IFIT3: variants seen among roughly 807,000 people sequenced by gnomAD.
IFIT3 encodes interferon induced protein with tetratricopeptide repeats 3.
IFIT3 carries 2 observed loss-of-function variants against 2.4 expected under a neutral mutation model. The ratio of observed to expected loss-of-function variants is 0.82; its 90% CI spans 0.34 to 2.60. The LOEUF (loss-of-function observed/expected upper bound fraction) is 2.60. Ranked by LOEUF, IFIT3 falls within the 30% of genes most tolerant of loss-of-function variation. The pLI, the probability that IFIT3 is intolerant of heterozygous loss-of-function variation, is 0.11. For missense variants in IFIT3, 481 were observed against 562.4 expected (o/e 0.86, Z 1.46); for synonymous variants, 203 against 212.1 (o/e 0.96, Z 0.37).
At position 89,339,188 on chromosome 10, in the gene IFIT3, T is replaced by C; in HGVS notation, c.533T>C (p.Ile178Thr). The C allele has an allele frequency of 1.9e-6, 3 of 1,614,174 alleles. No homozygotes were observed. Among genetic ancestry groups the C allele is most frequent in the Non-Finnish European group, 2.5e-6 (3 of 1,180,020 alleles). ...NNPEFSSGLA[I>T]AMYHLDNHPE... is the part of the protein sequence containing the mutation. ...CCAGAATTCTCCTCTGGACTGGCAA[T>C]TGCGATGTACCATCTGGATAATCAC... The change falls in exon 2 of 2, where the codon ATT (isoleucine) becomes ACT (threonine). Residue 178 changes from isoleucine (I) to threonine (T), a missense_variant. Ile to Thr is a moderately conservative substitution (Grantham distance 89). Transcript: ENST00000371818.
At position 89,339,246 on chromosome 10, in the gene IFIT3, G is replaced by A; in HGVS notation, c.591G>A (p.Lys197=). The change falls in exon 2 of 2, where the codon AAG becomes AAA. Residue 197 remains lysine, a synonymous_variant. Coordinates refer to ENST00000371818, the MANE Select transcript of IFIT3 (RefSeq NM_001549.6). ...PEKQFSTDVL[K]QAIELSPDNQ... ...AACAGTTCTCTACTGATGTTTTGAA[G>A]CAGGCCATTGAGCTGAGTCCTGATA... 1 of 1,614,198 alleles carries A rather than the reference G, an allele frequency of 6.2e-7. No individual in the cohort carries two copies.
At chr10:89,337,206 C>T (rs1843755561) in intron 1 of IFIT3, among the ~76,000 whole-genome samples, 1 of 152,138 alleles carries the variant, frequency 6.6e-6, no homozygotes, top group Non-Finnish European at 1.5e-5. Context: ...TATTTCTTTA[C>T]ATGTCTCCTA....
chr10:89,332,846 A>G (rs746521075), intron 1 of IFIT3, among the ~76,000 whole-genome samples: 1 of 151,582 alleles, frequency 6.6e-6, no homozygotes, highest in African/African-American at 2.4e-5. Flanking sequence ...GGAGCTGGGA[A>G]GGGACGGGGC....
At chr10:89,338,611 G>A (rs770326727) in intron 1 of IFIT3, 50 bp from the exon 2 acceptor site, 2 of 1,523,448 alleles carry the variant, frequency 1.3e-6, no homozygotes, top group Non-Finnish European at 1.8e-6. Context: ...ATCACAGGGT[G>A]CAGTGCTTGG....
chr10:89,336,232 A>G (rs1198170484), intron 1 of IFIT3, among the ~76,000 whole-genome samples: 1 of 151,386 alleles, frequency 6.6e-6, no homozygotes, highest in Non-Finnish European at 1.5e-5. Context: ...AGAGGGAGGG[A>G]GGGAAAGAAG....
chr10:89,340,924 C>T lies in IFIT3; in HGVS notation c.*796C>T, dbSNP rs1843862251. Reference sequence around the variant, plus strand: ...AGCAATACCATAATCAATGTGTATTCCTGATAGTAATGCTACAATAAATCC... The same window carrying T: ...AGCAATACCATAATCAATGTGTATTTCTGATAGTAATGCTACAATAAATCC... On this transcript the variant is annotated 3_prime_UTR_variant, in exon 2 of 2. Coordinates refer to ENST00000371818, the MANE Select transcript of IFIT3 (RefSeq NM_001549.6). 1 of 152,114 alleles carries T rather than the reference C, an allele frequency of 6.6e-6. No individual in the cohort carries two copies. Among genetic ancestry groups the T allele is most frequent in the African/African-American group, 2.4e-5 (1 of 41,402 alleles). 9.4% of individuals were successfully genotyped at this position (152,114 alleles called of 1,614,324 possible).
chr10:89,335,338 T>A (rs1281652924), intron 1 of IFIT3: 1 of 152,176 alleles, frequency 6.6e-6, no homozygotes, highest in Non-Finnish European at 1.5e-5. Flanking sequence ...AGATCCATAT[T>A]CAGAGCTCTT....
In IFIT3 at chr10:89,338,724, C is replaced by T. The variant is rs1268975399; in HGVS notation, c.69C>T (p.Asn23=). 6.2e-7 allele frequency: 1 copy of T among 1,613,680 alleles called. No individual in the cohort carries two copies. The highest frequency in any genetic ancestry group is 8.5e-7 in the Non-Finnish European group (1 of 1,179,718). Residue 23 remains asparagine (N), a synonymous_variant, in exon 2 of 2, where the codon AAC becomes AAT. Transcript: ENST00000371818. ...LPQLKCHFTW[N]LFKEDSVSRD... ...AGCTGAAATGCCATTTCACCTGGAA[C>T]TTATTCAAGGAAGACAGTGTCTCAA...
At chr10:89,328,307 G>A (rs12242873) in intron 1 of IFIT3, among the ~76,000 whole-genome samples, 1 of 152,176 alleles carries the variant, frequency 6.6e-6, no homozygotes, top group Non-Finnish European at 1.5e-5. Context: ...AACTACATGG[G>A]GGGAGGCAGG....
intron 1 of IFIT3, among the ~76,000 whole-genome samples, chr10:89,337,665 C>T (rs2133562699): frequency 1.3e-5 from 2 of 152,330 alleles, no homozygotes; most frequent in South Asian, 4.1e-4. Context: ...TCCCAAAGTG[C>T]TAGGACTACA....
At chr10:89,334,016 G>C (rs1255083309) in intron 1 of IFIT3, among the ~76,000 whole-genome samples, 2 of 152,242 alleles carry the variant, frequency 1.3e-5, no homozygotes, top group East Asian at 3.8e-4. Context: ...AGGTCTGCCA[G>C]TTCCTTCACG....
In IFIT3 at chr10:89,339,119, C is replaced by T. The variant is rs553698615; in HGVS notation, c.464C>T (p.Ala155Val). Residue 155 changes from alanine (A) to valine (V), a missense_variant, in exon 2 of 2, where the codon GCG becomes GTG. Coordinates refer to ENST00000371818, the MANE Select transcript of IFIT3 (RefSeq NM_001549.6). ...TQLKCGRNERAKVCFEKALEE... is the reference protein window; with the variant it reads ...TQLKCGRNERVKVCFEKALEE... ...CTGAAGTGTGGAAGAAATGAAAGGG[C>T]GAAGGTGTGTTTTGAGAAGGCTCTG... is the stretch of plus-strand genomic sequence containing the variant. 1.5e-5 allele frequency: 25 copies of T among 1,613,850 alleles called. No individual in the cohort carries two copies. The highest frequency in any genetic ancestry group is 1.6e-4 in the Middle Eastern group (1 of 6,084).
chr10:89,340,662 A>G lies in IFIT3; in HGVS notation c.*534A>G, dbSNP rs935232616. On this transcript the variant is annotated 3_prime_UTR_variant, in exon 2 of 2. Coordinates refer to ENST00000371818, the MANE Select transcript of IFIT3 (RefSeq NM_001549.6). ...TACAACTAATCACTGGTAGCAATAAATGCTTCAGGCCCACATGATGCTGAT... is the reference window on the plus strand; with the variant it reads ...TACAACTAATCACTGGTAGCAATAAGTGCTTCAGGCCCACATGATGCTGAT... The G allele has an allele frequency of 6.6e-6, 1 of 152,186 alleles. No individual in the cohort carries two copies. The highest frequency in any genetic ancestry group is 2.4e-5 in the African/African-American group (1 of 41,420). The allele number at this position is 152,186 out of a possible 1,614,324, so 9.4% of individuals were successfully genotyped here.
chr10:89,340,077 A>G lies in IFIT3; in HGVS notation c.1422A>G (p.Ala474=), dbSNP rs968096213. Residue 474 remains alanine (A), a synonymous_variant, in exon 2 of 2, where the codon GCA becomes GCG. Coordinates refer to ENST00000371818, the MANE Select transcript of IFIT3 (RefSeq NM_001549.6). ...EDGSEEMGQG[A]VSSSPRELLS... is the part of the protein sequence containing the mutation. ...GTAGTGAGGAAATGGGCCAGGGCGC[A>G]GTCAGCTCCAGTCCCAGAGAGCTCC... 1.2e-5 allele frequency: 20 copies of G among 1,612,586 alleles called. No homozygotes were observed. The highest frequency in any genetic ancestry group is 1.6e-5 in the Non-Finnish European group (19 of 1,179,208).
intron 1 of IFIT3, among the ~76,000 whole-genome samples, chr10:89,331,054 CT>C (rs1488208203): frequency 7.9e-5 from 12 of 152,336 alleles, no homozygotes; most frequent in Admixed American, 7.8e-4. Flanking sequence ...AGGAGTAGAG[CT>C]GCACCCAAGA....
intron 1 of IFIT3, among the ~76,000 whole-genome samples, chr10:89,329,168 CA>C (rs1249847112): frequency 6.6e-6 from 1 of 152,146 alleles, no homozygotes; most frequent in African/African-American, 2.4e-5. Context: ...ATCGACCATT[CA>C]GGGGGGCAGA....
chr10:89,340,418 C>T lies in IFIT3; in HGVS notation c.*290C>T, dbSNP rs1216753312. 3.0e-5 allele frequency: 6 copies of T among 200,094 alleles called. No individual in the cohort carries two copies. The highest frequency in any genetic ancestry group is 2.0e-3 in the Middle Eastern group (1 of 494). The allele number at this position is 200,094 out of a possible 1,614,324, so 12.4% of individuals were successfully genotyped here. ...CTAAAAATACAAAAAATTAGCCAGG[C>T]GTGGTGGCTGGCACCTGTAGTCCCA... On this transcript the variant is annotated 3_prime_UTR_variant, in exon 2 of 2. Coordinates refer to ENST00000371818, the MANE Select transcript of IFIT3 (RefSeq NM_001549.6).
At chr10:89,328,121 C>T in intron 1 of IFIT3, 43 bp downstream of exon 1, 2 of 1,601,268 alleles carry the variant, frequency 1.2e-6, no homozygotes, top group Non-Finnish European at 1.7e-6. Flanking sequence ...TTTTTGAGTG[C>T]AAATTGTAAG....
intron 1 of IFIT3, among the ~76,000 whole-genome samples, chr10:89,328,757 TCTC>T (rs1272544560): frequency 3.7e-4 from 56 of 152,206 alleles, no homozygotes; most frequent in Non-Finnish European, 1.0e-4. Flanking sequence ...AAAAAGAATT[TCTC>T]CTCAAAAGTG....
Sources: allele counts gnomAD v4.1 joint callset (sites outside exome capture counted in the v4.1 genomes callset), GRCh38; gene constraint gnomAD v4.1.1; transcripts MANE v1.5; gene names NCBI Gene and HGNC (gene_info 2026-07-23, HGNC 2026-07-21).